GRM5: variants seen among roughly 807,000 people sequenced by gnomAD.
GRM5 encodes glutamate metabotropic receptor 5.
GRM5 carries 19 observed loss-of-function variants against 83.1 expected under a neutral mutation model. The observed-to-expected ratio is 0.23, with a 90% CI of 0.16 to 0.34. The LOEUF is 0.34. Ranked by LOEUF, GRM5 falls within the 10% of genes least tolerant of loss-of-function variation. GRM5 has a pLI of 1.00. For synonymous variants in GRM5, 675 were observed against 633.6 expected, an observed-to-expected ratio of 1.07 and a Z score of -0.98; for missense variants, 1,160 against 1,588.3, an observed-to-expected ratio of 0.73 and a Z score of 4.58.
At chr11:88,941,395 AGAG>A (rs1938085761) in intron 2 of GRM5, among the ~76,000 whole-genome samples, 1 of 41,302 alleles carries the variant, frequency 2.4e-5, no homozygotes, top group African/African-American at 5.3e-5. Context: ...GAGAAAGAGA[AGAG>A]GAGAAGAGAA....
At chr11:88,699,150 G>A (rs1412991150) in intron 3 of GRM5, among the ~76,000 whole-genome samples, 1 of 152,022 alleles carries the variant, frequency 6.6e-6, no homozygotes, top group African/African-American at 2.4e-5. Context: ...TCTTACTTAC[G>A]GCCTCTAAGA....
chr11:89,049,965 C>A (rs1941724067), intron 1 of GRM5, among the ~76,000 whole-genome samples: 1 of 152,102 alleles, frequency 6.6e-6, no homozygotes, highest in African/African-American at 2.4e-5. Context: ...AGCACAATTT[C>A]TTATTAAATC....
intron 2 of GRM5, among the ~76,000 whole-genome samples, chr11:88,880,912 A>C (rs1256249610): frequency 6.6e-6 from 1 of 152,162 alleles, no homozygotes; most frequent in East Asian, 1.9e-4. Flanking sequence ...AAAAAATTGC[A>C]ATACCTATCT....
chr11:88,720,449 A>AGAT (rs1941507193), intron 3 of GRM5, among the ~76,000 whole-genome samples: 1 of 152,064 alleles, frequency 6.6e-6, no homozygotes, highest in Admixed American at 6.6e-5. Context: ...AGGTAACTTG[A>AGAT]GATAGGAGTT....
chr11:88,906,974 T>C (rs1410283461), intron 2 of GRM5, among the ~76,000 whole-genome samples: 2 of 152,112 alleles, frequency 1.3e-5, no homozygotes, highest in African/African-American at 2.4e-5. Context: ...ATATTTTGCC[T>C]AGCTATTTGA....
At chr11:88,729,865 A>T (rs1385454202) in intron 3 of GRM5, among the ~76,000 whole-genome samples, 1 of 152,212 alleles carries the variant, frequency 6.6e-6, no homozygotes, top group East Asian at 1.9e-4. Flanking sequence ...CTTACACCTT[A>T]TACAAAAATT....
chr11:88,888,964 TTG>T (rs1945091855), intron 2 of GRM5, among the ~76,000 whole-genome samples: 2 of 152,180 alleles, frequency 1.3e-5, no homozygotes, highest in African/African-American at 2.4e-5. Context: ...GGCGAATAAT[TTG>T]TTTTAGTCTC....
At chr11:88,598,444 T>A (rs1160147142) in intron 5 of GRM5, among the ~76,000 whole-genome samples, 3 of 152,210 alleles carry the variant, frequency 2.0e-5, no homozygotes, top group Non-Finnish European at 4.4e-5. Flanking sequence ...TGTAGTTTTT[T>A]TTTTTCTTCA....
chr11:88,819,450 C>G (rs1040426587), intron 3 of GRM5, among the ~76,000 whole-genome samples: 4 of 152,170 alleles, frequency 2.6e-5, no homozygotes, highest in African/African-American at 4.8e-5. Context: ...CATCTAAACT[C>G]ACATATTTAT....
At chr11:88,577,005 A>T (rs1162142495) in intron 7 of GRM5, among the ~76,000 whole-genome samples, 3 of 152,162 alleles carry the variant, frequency 2.0e-5, no homozygotes, top group African/African-American at 7.2e-5. Context: ...GTAGCTGGTC[A>T]TCCATCCAAA....
intron 4 of GRM5, among the ~76,000 whole-genome samples, chr11:88,613,618 G>A (rs1938387678): frequency 6.6e-6 from 1 of 152,118 alleles, no homozygotes. Context: ...AGACAGTTGG[G>A]TCTTGCTTCT....
At chr11:89,044,531 C>A (rs536375089) in intron 2 of GRM5, among the ~76,000 whole-genome samples, 7 of 152,014 alleles carry the variant, frequency 4.6e-5, no homozygotes, top group African/African-American at 1.7e-4. Context: ...TGACACAGTA[C>A]GGTTAGGTTT....
chr11:88,734,007 C>A (rs1056188012), intron 3 of GRM5, among the ~76,000 whole-genome samples: 1 of 151,782 alleles, frequency 6.6e-6, no homozygotes. Flanking sequence ...CAAAGTATGG[C>A]GTAAGGGATG....
intron 3 of GRM5, among the ~76,000 whole-genome samples, chr11:88,838,559 C>A (rs1490943783): frequency 6.6e-6 from 1 of 152,144 alleles, no homozygotes; most frequent in Non-Finnish European, 1.5e-5. Flanking sequence ...CTAATATATA[C>A]TAATTCCATG....
chr11:88,745,361 C>T (rs187116067), intron 3 of GRM5, among the ~76,000 whole-genome samples: 2 of 132,596 alleles, frequency 1.5e-5, no homozygotes, highest in South Asian at 6.6e-4. Context: ...CACGTGCCAC[C>T]CCACCTAGCT....
At chr11:88,806,068 G>A (rs1292507788) in intron 3 of GRM5, among the ~76,000 whole-genome samples, 1 of 152,138 alleles carries the variant, frequency 6.6e-6, no homozygotes. Context: ...GCATGGCATT[G>A]AACAATTTGC....
At chr11:88,754,428 TAAA>T (rs973882187) in intron 3 of GRM5, among the ~76,000 whole-genome samples, 1 of 152,106 alleles carries the variant, frequency 6.6e-6, no homozygotes, top group African/African-American at 2.4e-5. Context: ...CTCCTGAACT[TAAA>T]ATAAAAGTTG....
intron 9 of GRM5, among the ~76,000 whole-genome samples, chr11:88,513,456 T>C (rs2135082943): frequency 6.6e-6 from 1 of 152,356 alleles, no homozygotes; most frequent in Admixed American, 6.5e-5. Flanking sequence ...ATGGATCTAC[T>C]TTTACTTCTT....
At chr11:88,964,101 C>T (rs1938870654) in intron 2 of GRM5, among the ~76,000 whole-genome samples, 1 of 151,908 alleles carries the variant, frequency 6.6e-6, no homozygotes, top group African/African-American at 2.4e-5. Flanking sequence ...TAATTTGGGG[C>T]CTTATATATT....
Sources: allele counts gnomAD v4.1 joint callset (sites outside exome capture counted in the v4.1 genomes callset), GRCh38; gene constraint gnomAD v4.1.1; transcripts MANE v1.5; gene names NCBI Gene and HGNC (gene_info 2026-07-23, HGNC 2026-07-21).